NCOR2: variants seen among roughly 807,000 people sequenced by gnomAD.
NCOR2 encodes the protein nuclear receptor corepressor 2.
In NCOR2, 81 loss-of-function variants were observed where a neutral mutation model predicts 262.9. The observed-to-expected ratio is 0.31, with a 90% CI of 0.26 to 0.37. The LOEUF (loss-of-function observed/expected upper bound fraction) is 0.37. Among genes scored for constraint, NCOR2 ranks in the 10% least tolerant of loss-of-function variants. The pLI, the probability that NCOR2 is intolerant of heterozygous loss-of-function variation, is 1.00. For synonymous variants in NCOR2, 1,659 were observed against 1,559.3 expected, an observed-to-expected ratio of 1.06 and a Z score of -1.51; for missense variants, 3,385 against 3,621.4, an observed-to-expected ratio of 0.93 and a Z score of 1.68.
At chr12:124,346,011 T>C (rs2036895667) in intron 31 of NCOR2, among the ~76,000 whole-genome samples, 1 of 152,068 alleles carries the variant, frequency 6.6e-6, no homozygotes, top group African/African-American at 2.4e-5. Context: ...GACTGGGGCC[T>C]CTTGTGGTGC....
At chr12:124,511,975 G>A (rs1383237037) in intron 1 of NCOR2, among the ~76,000 whole-genome samples, 1 of 152,160 alleles carries the variant, frequency 6.6e-6, no homozygotes, top group Admixed American at 6.5e-5. Context: ...AGGGTGGAGT[G>A]CAGTGGCACA....
At chr12:124,383,990 G>A (rs934065154) in intron 17 of NCOR2, among the ~76,000 whole-genome samples, 8 of 152,144 alleles carry the variant, frequency 5.3e-5, no homozygotes, top group Non-Finnish European at 7.4e-5. Flanking sequence ...GGGGGGAGAC[G>A]TCCATGGTCG....
intron 30 of NCOR2, 42 bp downstream of exon 32, chr12:124,347,783 C>T (rs902616308): frequency 1.9e-6 from 3 of 1,547,022 alleles, no homozygotes; most frequent in Non-Finnish European, 1.8e-6. Context: ...CGTGACTGTA[C>T]ACCCGTTGGG....
Position 124,483,871 on chromosome 12 carries a change from C to T in NCOR2, c.234-98G>A, listed in dbSNP as rs899765617. 185 of 1,346,020 alleles carry T rather than the reference C, an allele frequency of 1.4e-4. No homozygotes were observed. The highest frequency in any genetic ancestry group is 1.7e-4 in the Non-Finnish European group (173 of 1,019,154). The allele number at this position is 1,346,020 out of a possible 1,614,324, so 83.4% of individuals were successfully genotyped here. A position where few individuals can be genotyped will look rare whatever the true frequency, so the allele number is the denominator to read the frequency against. On this transcript the variant is annotated intron_variant, in intron 2 of 46. Coordinates refer to ENST00000405201, the Ensembl canonical transcript of NCOR2. This position sits in a 1 kb window ranked among gnomAD's most constrained non-coding sequence, Gnocchi z 6.3. ...TCTGCGCCGAGCATCTACTGCGCGC[C>T]GTGCTCTGTATGATCCTGCCAGGAA... is the stretch of plus-strand genomic sequence containing the variant.
In NCOR2 at chr12:124,333,148, C is replaced by T. The variant is rs2035370045; in HGVS notation, c.6737G>A (p.Gly2246Glu). 1.9e-6 allele frequency: 3 copies of T among 1,608,968 alleles called. No homozygotes were observed. The South Asian group carries it at 3.3e-5, about 18-fold the overall frequency. Reference sequence around the variant, plus strand: ...GAAGTACCTGGGCTCCGTCTGTTCCCCATCCCGGTACAGCAGCGGGTACAC... The same window carrying T: ...GAAGTACCTGGGCTCCGTCTGTTCCTCATCCCGGTACAGCAGCGGGTACAC... The change falls in exon 42 of 47, where the codon GGG becomes GAG. Residue 2246 changes from glycine to glutamate, a missense_variant. Gly to Glu is a moderately conservative substitution (Grantham distance 98). Coordinates refer to ENST00000405201, the Ensembl canonical transcript of NCOR2.
chr12:124,506,795 G>A (rs1236100000), intron 1 of NCOR2, among the ~76,000 whole-genome samples: 3 of 152,196 alleles, frequency 2.0e-5, no homozygotes, highest in African/African-American at 7.2e-5. Flanking sequence ...CAGTGGGGAG[G>A]GAGACGCTGG....
chr12:124,534,485 T>A (rs2051015762), intron 1 of NCOR2, among the ~76,000 whole-genome samples: 1 of 151,784 alleles, frequency 6.6e-6, no homozygotes, highest in South Asian at 2.1e-4. Context: ...TATTATAATC[T>A]TATGGGACCA....
chr12:124,507,181 G>A (rs1368685988), intron 1 of NCOR2, among the ~76,000 whole-genome samples: 1 of 152,174 alleles, frequency 6.6e-6, no homozygotes, highest in Non-Finnish European at 1.5e-5. Context: ...AAATGGCTGG[G>A]ACCAGGGGCT....
intron 10 of NCOR2, among the ~76,000 whole-genome samples, chr12:124,427,203 G>C (rs560703439): frequency 6.6e-6 from 1 of 152,224 alleles, no homozygotes; most frequent in South Asian, 2.1e-4. Flanking sequence ...TGGGCCCTGG[G>C]GTCCAGCTGG....
At chr12:124,355,046 G>C in intron 24 of NCOR2, 107 bp from the exon 27 acceptor site, 1 of 924,430 alleles carries the variant, frequency 1.1e-6, no homozygotes. Context: ...TCAGAGGCTG[G>C]GGCTGCTGTC....
chr12:124,357,623 T>C (rs1483831019), intron 22 of NCOR2, among the ~76,000 whole-genome samples: 1 of 152,254 alleles, frequency 6.6e-6, no homozygotes, highest in Non-Finnish European at 1.5e-5. Context: ...GAATACGCTT[T>C]TACTGGAGCG....
rs371173664 is a variant in NCOR2 at position 124,378,231 on chromosome 12, C to T, written c.2167+6G>A. Reference sequence around the variant, plus strand: ...CCAGCCACCTCCAAGCCGCGCCAGCCCTCACCTTCAGCCTCCTCCACCATC... The same window carrying T: ...CCAGCCACCTCCAAGCCGCGCCAGCTCTCACCTTCAGCCTCCTCCACCATC... On this transcript the variant is annotated splice_donor_region_variant and intron_variant, in intron 18 of 46. Coordinates refer to ENST00000405201, the Ensembl canonical transcript of NCOR2. This position sits in a 1 kb window ranked among gnomAD's most constrained non-coding sequence, Gnocchi z 4.2. 5 of 1,613,054 alleles carry T rather than the reference C, an allele frequency of 3.1e-6. No individual in the cohort carries two copies. In the African/African-American group the frequency reaches 6.7e-5, roughly 22 times the overall value.
At chr12:124,416,729 TCCCCGCGGCACAGATAGA>T (rs1235353996) in intron 13 of NCOR2, among the ~76,000 whole-genome samples, 4 of 90,498 alleles carry the variant, frequency 4.4e-5, no homozygotes, top group South Asian at 3.8e-4. Flanking sequence ...GCACAGGGAG[TCCCCGCGGCACAGATAGA>T]CCCCGCGGCA....
At chr12:124,332,520 C>T (rs2035286272) in intron 42 of NCOR2, 53 bp from the exon 45 acceptor site, 2 of 1,611,650 alleles carry the variant, frequency 1.2e-6, no homozygotes, top group South Asian at 2.2e-5. Context: ...GCTTGCATGC[C>T]TTTGATGATG....
At chr12:124,405,435 C>A (rs2042224255) in intron 13 of NCOR2, among the ~76,000 whole-genome samples, 1 of 152,350 alleles carries the variant, frequency 6.6e-6, no homozygotes, top group Non-Finnish European at 1.5e-5. Context: ...TCTGGGCCAC[C>A]CTGCAGCCAA....
At chr12:124,495,987 A>T (rs2048357983), upstream of NCOR2, among the ~76,000 whole-genome samples, 1 of 152,152 alleles carries the variant, frequency 6.6e-6, no homozygotes, top group Non-Finnish European at 1.5e-5. The surrounding 1 kb of genome is among the most constrained non-coding windows in gnomAD (Gnocchi z 4.4). Flanking sequence ...GGAAGAGCCA[A>T]GGGCAGAATG....
At position 124,457,770 on chromosome 12, in the gene NCOR2, C is replaced by T. The variant is rs1593630864; in HGVS notation, c.706-608G>A. ...GAACATGTGGCGCAGGGCTCGGTGG[C>T]CGCTCCATCAATAGGCTGGACCTCC... On this transcript the variant is annotated intron_variant, in intron 5 of 46. Coordinates refer to ENST00000405201, the Ensembl canonical transcript of NCOR2. The surrounding 1 kb of genome is among the most constrained non-coding windows in gnomAD (Gnocchi z 4.0). Among the ~76,000 whole-genome samples, 2 of 152,190 alleles carry T rather than the reference C, an allele frequency of 1.3e-5. No homozygotes were observed. The highest frequency in any genetic ancestry group is 4.2e-4 in the South Asian group (2 of 4,800).
intron 38 of NCOR2, 23 bp from the exon 41 acceptor site, chr12:124,335,655 A>C (rs773160319): frequency 6.3e-7 from 1 of 1,580,564 alleles, no homozygotes; most frequent in Non-Finnish European, 8.6e-7. Flanking sequence ...GGGGGTGCAG[A>C]GTCAGGCACC....
chr12:124,355,113 G>A lies in NCOR2; in HGVS notation c.3382-174C>T, dbSNP rs2037843579. On this transcript the variant is annotated intron_variant, in intron 24 of 46. Transcript: ENST00000405201. ...CTCCCAAGCCTCGGCCCCCTCCCCTGTGAAGGGGCCATGCCCTCTGAGCCC... is the reference window on the plus strand; with the variant it reads ...CTCCCAAGCCTCGGCCCCCTCCCCTATGAAGGGGCCATGCCCTCTGAGCCC... The A allele has an allele frequency of 4.7e-6, 3 of 633,190 alleles. No homozygotes were observed. The South Asian group carries it at 5.9e-5, about 12-fold the overall frequency. The allele number at this position is 633,190 out of a possible 1,614,324, so 39.2% of individuals were successfully genotyped here. A position where few individuals can be genotyped will look rare whatever the true frequency, so the allele number is the denominator to read the frequency against.
Sources: gnomAD v4.1 joint callset for allele counts (sites outside exome capture counted in the v4.1 genomes callset) on GRCh38, gnomAD v4.1.1 for gene constraint, Gnocchi (gnomAD v3.1) non-coding constraint, MANE v1.5 for transcripts, NCBI Gene and HGNC (gene_info 2026-07-23, HGNC 2026-07-21) for gene names.